The following MAP4 variants were observed in gnomAD, a reference collection of about 807,000 sequenced individuals.
The protein encoded by MAP4 is microtubule associated protein 4, also known as microtubule-associated protein 4.
Under a neutral mutation model 170.2 loss-of-function variants are expected in MAP4, and 76 were observed. That is an observed-to-expected ratio of 0.45 (90% CI 0.37 to 0.54). The LOEUF (loss-of-function observed/expected upper bound fraction) is 0.54, where lower values mean the gene tolerates loss of function less well. Ranked by LOEUF, MAP4 falls within the 20% of genes least tolerant of loss-of-function variation. MAP4 has a pLI of 0.00. For missense variants in MAP4, 2,506 were observed against 2,748.0 expected, an observed-to-expected ratio of 0.91 and a Z score of 1.97; for synonymous variants, 909 against 994.5, an observed-to-expected ratio of 0.91 and a Z score of 1.62.
chr3:47,911,947 A>G lies in MAP4; in HGVS notation c.2474T>C (p.Leu825Pro). The G allele has an allele frequency of 6.5e-7, 1 of 1,536,114 alleles. No homozygotes were observed. The highest frequency in any genetic ancestry group is 2.4e-5 in the East Asian group (1 of 40,924). The stretch of plus-strand genomic sequence containing the variant: ...CCTTTTCAAGTTTTCTCCAGATACA[A>G]GTCCATATTCTGTACCCATAGTGGT... ...QPTTMGTEYGLVSGENLKREC... is the reference protein window; with the variant it reads ...QPTTMGTEYGPVSGENLKREC... Residue 825 changes from leucine (L) to proline (P), a missense_variant, in exon 9 of 21, where the codon CTT becomes CCT. Transcript: ENST00000683076. This position sits in a 1 kb window ranked among gnomAD's most constrained non-coding sequence, Gnocchi z 4.0.
intron 2 of MAP4, among the ~76,000 whole-genome samples, chr3:47,987,707 G>A (rs575768730): frequency 3.3e-5 from 5 of 152,206 alleles, no homozygotes; most frequent in Non-Finnish European, 7.3e-5. Flanking sequence ...CATCTCAGAT[G>A]ATGGCAATTC....
intron 10 of MAP4, among the ~76,000 whole-genome samples, chr3:47,878,187 C>T (rs2095891712): frequency 6.6e-6 from 1 of 152,160 alleles, no homozygotes. Context: ...TATAACCTTG[C>T]TGTGGGGGAA....
intron 9 of MAP4, among the ~76,000 whole-genome samples, chr3:47,905,946 A>T (rs1242576335): frequency 1.3e-5 from 2 of 152,130 alleles, no homozygotes; most frequent in African/African-American, 4.8e-5. Flanking sequence ...GTGAGCCAAG[A>T]TCGTGCCATT....
chr3:47,974,328 G>T, intron 3 of MAP4: 1 of 396,798 alleles, frequency 2.5e-6, no homozygotes, highest in Non-Finnish European at 3.4e-6. Context: ...GGGAGGCTGA[G>T]GCAGGAGAAC....
intron 10 of MAP4, among the ~76,000 whole-genome samples, chr3:47,895,148 AC>A (rs968703780): frequency 6.6e-6 from 1 of 152,066 alleles, no homozygotes; most frequent in African/African-American, 2.4e-5. Context: ...TAAACTAGTC[AC>A]CCCCCACAAA....
chr3:47,889,236 G>A (rs529956270), intron 10 of MAP4, among the ~76,000 whole-genome samples: 1 of 152,354 alleles, frequency 6.6e-6, no homozygotes, highest in South Asian at 2.1e-4. Context: ...GTGACTGGAT[G>A]CCCTGAGATT....
intron 10 of MAP4, among the ~76,000 whole-genome samples, chr3:47,896,242 C>A (rs1004662185): frequency 6.6e-6 from 1 of 152,092 alleles, no homozygotes; most frequent in Non-Finnish European, 1.5e-5. Context: ...AAAAAACAAC[C>A]AAGAAGGCCG....
chr3:48,082,797 C>CAA lies in MAP4; in HGVS notation c.-20+5974_-20+5975dup, dbSNP rs1294638726. Among the ~76,000 whole-genome samples the CAA allele has an allele frequency of 8.1e-3, 393 of 48,440 alleles. 6 individuals are homozygous for CAA. The highest frequency in any genetic ancestry group is 0.025 in the African/African-American group (333 of 13,496). 31.8% of individuals were successfully genotyped at this position (48,440 alleles called of 152,430 possible). A position where few individuals can be genotyped will look rare whatever the true frequency, so the allele number is the denominator to read the frequency against. ...TGGGCAACAGAGCAAGACTTTGTCT[C>CAA]AAAAAAAAAAAAAAAAAAAAAAGTT... On this transcript the variant is annotated intron_variant, in intron 1 of 18. Transcript: ENST00000360240.
At chr3:47,929,278 C>T (rs913432898) in intron 3 of MAP4, among the ~76,000 whole-genome samples, 1 of 152,088 alleles carries the variant, frequency 6.6e-6, no homozygotes. Context: ...TCACTTGAAC[C>T]TGGGAGTGGG....
Position 47,870,988 on chromosome 3 carries a change from G to A in MAP4, c.6119C>T (p.Pro2040Leu). Residue 2040 changes from proline to leucine, a missense_variant, in exon 15 of 21, where the codon CCC becomes CTC. Transcript: ENST00000683076. ...GAAAGGAGTTGTGGAGGGCCGGGAG[G>A]GCATGGGTGTGGCCTTGACTCGGCT... The part of the protein sequence containing the change: ...VPSRVKATPM[P>L]SRPSTTPFID... 1.2e-6 allele frequency: 2 copies of A among 1,614,180 alleles called. No individual in the cohort carries two copies. Among genetic ancestry groups the A allele is most frequent in the Non-Finnish European group, 1.7e-6 (2 of 1,180,008 alleles).
chr3:47,910,328 C>A lies in MAP4; in HGVS notation c.4093G>T (p.Asp1365Tyr). 1 of 1,551,516 alleles carries A rather than the reference C, an allele frequency of 6.4e-7. No homozygotes were observed. Residue 1365 changes from aspartate (D) to tyrosine (Y), a missense_variant, in exon 9 of 21, where the codon GAT becomes TAT. Physicochemically the swap from Asp to Tyr is radical, Grantham distance 160 (BLOSUM62 -3). Coordinates refer to ENST00000683076, the MANE Select transcript of MAP4 (RefSeq NM_001385682.1). ...VADKPSKRSNDGKSKKVKNSS... is the reference protein window; with the variant it reads ...VADKPSKRSNYGKSKKVKNSS... ...TTTTTAACCTTTTTACTTTTTCCATCATTACTCCTTTTACTTGGTTTGTCA... is the reference window on the plus strand; with the variant it reads ...TTTTTAACCTTTTTACTTTTTCCATAATTACTCCTTTTACTTGGTTTGTCA...
intron 8 of MAP4, among the ~76,000 whole-genome samples, chr3:47,913,140 T>G (rs1024360911): frequency 1.3e-5 from 2 of 152,158 alleles, no homozygotes; most frequent in Non-Finnish European, 2.9e-5. Context: ...GATAATTAAT[T>G]TTAACAATTA....
chr3:47,884,786 T>G (rs766819078), intron 10 of MAP4, among the ~76,000 whole-genome samples: 15 of 152,110 alleles, frequency 9.9e-5, no homozygotes, highest in Non-Finnish European at 1.8e-4. Context: ...CCTCGGGGGC[T>G]TTCTCTTGCT....
At chr3:48,028,863 T>C (rs1273822726) in intron 1 of MAP4, among the ~76,000 whole-genome samples, 1 of 151,614 alleles carries the variant, frequency 6.6e-6, no homozygotes, top group Non-Finnish European at 1.5e-5. Flanking sequence ...TTACTTCTGG[T>C]CAGGCACCGT....
chr3:48,041,902 T>C (rs2100121807), intron 1 of MAP4, among the ~76,000 whole-genome samples: 1 of 152,182 alleles, frequency 6.6e-6, no homozygotes, highest in African/African-American at 2.4e-5. Context: ...GTGGTACTAG[T>C]ATAAGCACAG....
At chr3:48,044,158 TTTTG>T (rs1272303680) in intron 1 of MAP4, among the ~76,000 whole-genome samples, 7 of 148,874 alleles carry the variant, frequency 4.7e-5, no homozygotes, top group African/African-American at 9.9e-5. Context: ...TGTAATTTTT[TTTTG>T]TTTTTGTTTT....
At chr3:47,953,223 CA>C (rs551114527) in intron 3 of MAP4, among the ~76,000 whole-genome samples, 79 of 150,164 alleles carry the variant, frequency 5.3e-4, no homozygotes, top group African/African-American at 1.7e-3. Context: ...TAAAAACTTA[CA>C]AAAAAAAACA....
chr3:48,003,147 A>G (rs1316181261), intron 1 of MAP4, among the ~76,000 whole-genome samples: 10 of 152,056 alleles, frequency 6.6e-5, no homozygotes, highest in Admixed American at 4.6e-4. Flanking sequence ...AAGCTGTTGA[A>G]TCTTCTCCAT....
chr3:47,992,073 C>A (rs1000719106), intron 2 of MAP4, among the ~76,000 whole-genome samples: 1 of 151,856 alleles, frequency 6.6e-6, no homozygotes, highest in East Asian at 1.9e-4. Context: ...TATAATAAAA[C>A]ATTAATGAAG....
Sources: allele counts gnomAD v4.1 joint callset (sites outside exome capture counted in the v4.1 genomes callset), GRCh38; gene constraint gnomAD v4.1.1; non-coding constraint Gnocchi (gnomAD v3.1); transcripts MANE v1.5; gene names NCBI Gene and HGNC (gene_info 2026-07-23, HGNC 2026-07-21).